Variants in SLC39A9 observed in about 807,000 individuals in gnomAD.
The protein encoded by SLC39A9 is solute carrier family 39 member 9, also known as zinc transporter ZIP9.
A neutral mutation model predicts 28.4 loss-of-function variants in SLC39A9; 14 were observed. That is an observed-to-expected ratio of 0.49 (90% CI 0.33 to 0.77). SLC39A9 has a LOEUF of 0.77. Among genes scored for constraint, SLC39A9 ranks in the 30% least tolerant of loss-of-function variants. The pLI, the probability that SLC39A9 is intolerant of heterozygous loss-of-function variation, is 0.02. For synonymous variants in SLC39A9, 119 were observed against 149.6 expected (o/e 0.80, Z 1.49); for missense variants, 283 against 381.1 (o/e 0.74, Z 2.14).
chr14:69,430,628 C>CTTTTTTTTTTTTTTTTTTTTTTCTT (rs71446389), intron 2 of SLC39A9, among the ~76,000 whole-genome samples: 1 of 137,746 alleles, frequency 7.3e-6, no homozygotes, highest in Non-Finnish European at 1.5e-5. Context: ...ATTTTTCTTT[C>CTTTTTTTTTTTTTTTTTTTTTTCTT]TTTTTTTTTT....
intron 2 of SLC39A9, among the ~76,000 whole-genome samples, chr14:69,439,887 C>T (rs527982783): frequency 6.6e-6 from 1 of 152,244 alleles, no homozygotes; most frequent in Admixed American, 6.5e-5. Context: ...GAACTGTAAG[C>T]CAAATAAACC....
intron 2 of SLC39A9, among the ~76,000 whole-genome samples, chr14:69,438,923 G>A (rs1266022622): frequency 6.6e-6 from 1 of 152,062 alleles, no homozygotes; most frequent in Non-Finnish European, 1.5e-5. Context: ...AATATAGGGG[G>A]CCCTAGCCAG....
At chr14:69,419,443 A>G (rs1400877041) in intron 1 of SLC39A9, among the ~76,000 whole-genome samples, 1 of 152,142 alleles carries the variant, frequency 6.6e-6, no homozygotes, top group Non-Finnish European at 1.5e-5. Flanking sequence ...TTTTGGGATA[A>G]GTGCAATGTG....
At chr14:69,435,740 T>C (rs1884710517) in intron 2 of SLC39A9, among the ~76,000 whole-genome samples, 1 of 152,138 alleles carries the variant, frequency 6.6e-6, no homozygotes, top group African/African-American at 2.4e-5. Context: ...TGGTGTGATC[T>C]GGGTTTGCTG....
chr14:69,420,590 T>A (rs1038360695), intron 1 of SLC39A9, among the ~76,000 whole-genome samples: 15 of 152,224 alleles, frequency 9.9e-5, no homozygotes, highest in Admixed American at 6.5e-4. Flanking sequence ...TCCTGAAAAG[T>A]GTTTTCCAGC....
At chr14:69,412,554 G>C (rs946151244) in intron 1 of SLC39A9, among the ~76,000 whole-genome samples, 6 of 152,078 alleles carry the variant, frequency 3.9e-5, no homozygotes, top group Non-Finnish European at 5.9e-5. Flanking sequence ...ATATTCTAAA[G>C]AGGTTCCGCT....
At chr14:69,427,322 C>T (rs1187585228) in intron 2 of SLC39A9, among the ~76,000 whole-genome samples, 3 of 152,042 alleles carry the variant, frequency 2.0e-5, no homozygotes, top group African/African-American at 7.2e-5. Flanking sequence ...TTTGTGGTGT[C>T]ATTTGAAAAC....
At chr14:69,437,998 CTCT>C (rs1304587808) in intron 2 of SLC39A9, among the ~76,000 whole-genome samples, 2 of 150,978 alleles carry the variant, frequency 1.3e-5, no homozygotes, top group African/African-American at 4.9e-5. Context: ...GCTTTACTCT[CTCT>C]TTTCTTACCC....
chr14:69,448,646 A>T (rs1051993157), intron 3 of SLC39A9, among the ~76,000 whole-genome samples: 3 of 152,254 alleles, frequency 2.0e-5, no homozygotes, highest in Non-Finnish European at 4.4e-5. Flanking sequence ...AAGAGTTACA[A>T]GTAAGTGAAA....
intron 1 of SLC39A9, among the ~76,000 whole-genome samples, chr14:69,414,433 A>G (rs1883458044): frequency 6.6e-6 from 1 of 152,220 alleles, no homozygotes; most frequent in South Asian, 2.1e-4. Context: ...ATTGTGGTGA[A>G]TTATTTTTGA....
In SLC39A9 at chr14:69,461,064, AT is replaced by A. The variant is rs1178356890; in HGVS notation, c.*2472del. On this transcript the variant is annotated 3_prime_UTR_variant, in exon 7 of 7. Transcript: ENST00000336643. Reference sequence around the variant, plus strand: ...CTCTTGTTTAAAACTGCCTCTTTAGATGTGGATGCCTTAATGCTGTAACACA... The same window carrying A: ...CTCTTGTTTAAAACTGCCTCTTTAGAGTGGATGCCTTAATGCTGTAACACA... 2.1e-5 allele frequency: 21 copies of A among 985,596 alleles called. No individual in the cohort carries two copies. Among genetic ancestry groups the A allele is most frequent in the Non-Finnish European group, 2.4e-5 (20 of 830,192 alleles). The allele number at this position is 985,596 out of a possible 1,614,324, so 61.1% of individuals were successfully genotyped here.
chr14:69,414,684 G>A lies in SLC39A9; in HGVS notation c.97-9410G>A, dbSNP rs546123605. Among the ~76,000 whole-genome samples, 6 of 152,286 alleles carry A rather than the reference G, an allele frequency of 3.9e-5. No homozygotes were observed. In the East Asian group the frequency reaches 1.2e-3, roughly 29 times the overall value. ...AAAGGTACAGATCTTAATATAGGTT[G>A]ATGAATTTTAGCAAATGTTTACAAA... On this transcript the variant is annotated intron_variant, in intron 1 of 6. Coordinates refer to ENST00000336643, the MANE Select transcript of SLC39A9 (RefSeq NM_018375.5).
intron 3 of SLC39A9, among the ~76,000 whole-genome samples, chr14:69,447,385 A>G (rs1885379968): frequency 6.6e-6 from 1 of 152,212 alleles, no homozygotes; most frequent in Non-Finnish European, 1.5e-5. Flanking sequence ...TACTGCTTTC[A>G]GTAGTCAGCC....
intron 2 of SLC39A9, chr14:69,429,109 A>T (rs1179542887): frequency 6.6e-6 from 1 of 152,056 alleles, no homozygotes; most frequent in Non-Finnish European, 1.5e-5. Context: ...AAGGGTACCC[A>T]TTTTTCTTCA....
At chr14:69,413,151 T>C (rs1037953840) in intron 1 of SLC39A9, among the ~76,000 whole-genome samples, 3 of 152,084 alleles carry the variant, frequency 2.0e-5, no homozygotes, top group Non-Finnish European at 4.4e-5. Context: ...GGTCAGGAGA[T>C]CGAGACCATC....
Position 69,453,277 on chromosome 14 carries a change from C to T in SLC39A9, c.440C>T (p.Thr147Ile). 1 of 1,613,978 alleles carries T rather than the reference C, an allele frequency of 6.2e-7. No homozygotes were observed. The highest frequency in any genetic ancestry group is 8.5e-7 in the Non-Finnish European group (1 of 1,179,852). The change falls in exon 4 of 7, where the codon ACC becomes ATC. Residue 147 changes from threonine (T) to isoleucine (I), a missense_variant. Thr to Ile is a moderately conservative substitution (Grantham distance 89, BLOSUM62 -1). Coordinates refer to ENST00000336643, the MANE Select transcript of SLC39A9 (RefSeq NM_018375.5). ...EAARSSNSKI[T>I]TTLGLVVHAA... Reference sequence around the variant, plus strand: ...GCAAGGTCTAGCAATTCCAAAATCACCACCACGCTGGGTCTGGTTGTCCAT... The same window carrying T: ...GCAAGGTCTAGCAATTCCAAAATCATCACCACGCTGGGTCTGGTTGTCCAT...
chr14:69,410,653 TG>T (rs1240074521), intron 1 of SLC39A9, among the ~76,000 whole-genome samples: 3 of 152,228 alleles, frequency 2.0e-5, no homozygotes, highest in African/African-American at 7.2e-5. Flanking sequence ...GATAATGTAG[TG>T]GCTAAATTGA....
intron 2 of SLC39A9, among the ~76,000 whole-genome samples, chr14:69,440,341 T>A (rs1884982360): frequency 1.3e-5 from 2 of 152,012 alleles, no homozygotes; most frequent in Non-Finnish European, 2.9e-5. Flanking sequence ...CCCAGCACTT[T>A]GGGAGGTCAA....
In SLC39A9 at chr14:69,460,707, T is replaced by C. The variant is rs1886077287; in HGVS notation, c.*2114T>C. ...ATGGAGCCTTGAACTCCGGCAAGGA[T>C]TGAACCATCTGACTTCCAAATTTGC... On this transcript the variant is annotated 3_prime_UTR_variant, in exon 7 of 7. Transcript: ENST00000336643. The C allele has an allele frequency of 1.6e-5, 16 of 985,326 alleles. No individual in the cohort carries two copies. The highest frequency in any genetic ancestry group is 1.8e-5 in the Non-Finnish European group (15 of 829,954). The allele number at this position is 985,326 out of a possible 1,614,324, so 61.0% of individuals were successfully genotyped here.
Sources: allele counts gnomAD v4.1 joint callset (sites outside exome capture counted in the v4.1 genomes callset), GRCh38; gene constraint gnomAD v4.1.1; transcripts MANE v1.5; gene names NCBI Gene and HGNC (gene_info 2026-07-23, HGNC 2026-07-21).